Variants in PDPR observed in about 807,000 individuals in gnomAD.
PDPR encodes pyruvate dehydrogenase phosphatase regulatory subunit, also known as pyruvate dehydrogenase phosphatase regulatory subunit, mitochondrial.
Under a neutral mutation model 102.2 loss-of-function variants are expected in PDPR, and 50 were observed. The ratio of observed to expected loss-of-function variants is 0.49; its 90% CI spans 0.39 to 0.62. The LOEUF (loss-of-function observed/expected upper bound fraction) is 0.62, where lower values mean the gene tolerates loss of function less well. Among genes scored for constraint, PDPR ranks in the 20% least tolerant of loss-of-function variants. PDPR has a pLI of 0.00. For synonymous variants in PDPR, 259 were observed against 406.0 expected (o/e 0.64, Z 4.35); for missense variants, 625 against 1,098.2 (o/e 0.57, Z 6.09).
intron 6 of PDPR, among the ~76,000 whole-genome samples, chr16:70,130,191 G>C (rs1352555614): frequency 6.6e-6 from 1 of 152,268 alleles, no homozygotes; most frequent in African/African-American, 2.4e-5. Context: ...TACTTGAGAG[G>C]CTGAGGCAGG....
Position 70,130,548 on chromosome 16 carries a change from G to C in PDPR, c.729+4G>C. ...TTTTGTCAACTGTGCTGGCCAGGTA[G>C]GTCAGCACCAACACTGCTGTTCTTA... On this transcript the variant is annotated splice_donor_region_variant and intron_variant, in intron 7 of 18. Transcript: ENST00000288050. 2 of 1,613,944 alleles carry C rather than the reference G, an allele frequency of 1.2e-6. No homozygotes were observed. The highest frequency in any genetic ancestry group is 1.7e-6 in the Non-Finnish European group (2 of 1,179,864).
rs1967541297 is a variant in PDPR, at chr16:70,159,259, G to C, written c.*2380G>C. The C allele has an allele frequency of 6.6e-6, 1 of 152,376 alleles. No homozygotes were observed. Among genetic ancestry groups the C allele is most frequent in the South Asian group, 2.1e-4 (1 of 4,836 alleles). 9.4% of individuals were successfully genotyped at this position (152,376 alleles called of 1,614,324 possible). On this transcript the variant is annotated 3_prime_UTR_variant, in exon 19 of 19. Coordinates refer to ENST00000288050, the MANE Select transcript of PDPR (RefSeq NM_017990.5). ...GATGCTGTGTCCAAAATTATGCACT[G>C]TTTGTTGAAGTAGAACCAGAAATCC...
At chr16:70,123,157 C>T (rs1963524084) in intron 3 of PDPR, among the ~76,000 whole-genome samples, 1 of 152,266 alleles carries the variant, frequency 6.6e-6, no homozygotes, top group South Asian at 2.1e-4. Flanking sequence ...CCGCCTCAGC[C>T]TCCCAAAGTG....
chr16:70,141,913 A>G (rs1379979556), intron 11 of PDPR, among the ~76,000 whole-genome samples: 1 of 152,278 alleles, frequency 6.6e-6, no homozygotes, highest in African/African-American at 2.4e-5. Flanking sequence ...CAGCCTGACC[A>G]ACATGGAGAA....
rs1374891388 is a variant in PDPR, at chr16:70,158,779, G to C, written c.*1900G>C. Reference sequence around the variant, plus strand: ...GGAACAGGCCCTTGGGCAGATGCAGGCATTACCAGCAGGGAGCAGACTTAC... The same window carrying C: ...GGAACAGGCCCTTGGGCAGATGCAGCCATTACCAGCAGGGAGCAGACTTAC... On this transcript the variant is annotated 3_prime_UTR_variant, in exon 19 of 19. Coordinates refer to ENST00000288050, the MANE Select transcript of PDPR (RefSeq NM_017990.5). 2 of 152,986 alleles carry C rather than the reference G, an allele frequency of 1.3e-5. No homozygotes were observed. Among genetic ancestry groups the C allele is most frequent in the Non-Finnish European group, 2.9e-5 (2 of 68,552 alleles). The allele number at this position is 152,986 out of a possible 1,614,324, so 9.5% of individuals were successfully genotyped here. A position where few individuals can be genotyped will look rare whatever the true frequency, so the allele number is the denominator to read the frequency against.
chr16:70,150,588 A>C (rs1966655850), intron 17 of PDPR, among the ~76,000 whole-genome samples: 1 of 141,788 alleles, frequency 7.1e-6, no homozygotes, highest in Non-Finnish European at 1.5e-5. Context: ...GGCTTACTGC[A>C]GCTTGACCTC....
intron 17 of PDPR, 128 bp downstream of exon 17, chr16:70,148,681 G>GCTGTAT: frequency 1.3e-6 from 1 of 778,862 alleles, no homozygotes; most frequent in South Asian, 1.5e-5. Context: ...GGTTTGGAGA[G>GCTGTAT]CTGTATCTGA....
intron 2 of PDPR, among the ~76,000 whole-genome samples, chr16:70,117,938 C>A (rs1962814706): frequency 6.6e-6 from 1 of 151,730 alleles, no homozygotes; most frequent in African/African-American, 2.4e-5. Context: ...ACTAAAAATA[C>A]AAAAAGTAAC....
chr16:70,137,824 T>C (rs1965305989), intron 10 of PDPR, among the ~76,000 whole-genome samples: 2 of 152,268 alleles, frequency 1.3e-5, no homozygotes, highest in Non-Finnish European at 2.9e-5. Flanking sequence ...ACCCATTGGA[T>C]ATTTAGAGTA....
intron 1 of PDPR, among the ~76,000 whole-genome samples, 185 bp downstream of exon 1, chr16:70,114,625 G>T (rs575109250): frequency 2.6e-5 from 4 of 152,226 alleles, no homozygotes; most frequent in Non-Finnish European, 5.9e-5. Context: ...ACTCGTCCCC[G>T]TAAGGTTGTC....
chr16:70,156,337 C>G (rs1221185673), intron 18 of PDPR, 138 bp from the exon 19 acceptor site: 3 of 1,080,892 alleles, frequency 2.8e-6, no homozygotes, highest in Non-Finnish European at 3.9e-6. Context: ...CGCACAGTTT[C>G]CCAAAAGCTG....
chr16:70,121,766 CT>C (rs1240965083), intron 3 of PDPR, among the ~76,000 whole-genome samples: 3,455 of 145,352 alleles, frequency 0.024, 18 homozygotes, highest in African/African-American at 0.065. Context: ...TTCTTATTCC[CT>C]TTTTTTTTTT....
chr16:70,115,097 C>A (rs939694687), intron 2 of PDPR, among the ~76,000 whole-genome samples, 167 bp downstream of exon 2: 7 of 152,082 alleles, frequency 4.6e-5, no homozygotes, highest in African/African-American at 1.4e-4. Context: ...TTTCCAGTGG[C>A]AGGGACTTGT....
At chr16:70,115,509 C>A (rs1427796220) in intron 2 of PDPR, among the ~76,000 whole-genome samples, 8 of 152,178 alleles carry the variant, frequency 5.3e-5, no homozygotes, top group Non-Finnish European at 8.8e-5. Context: ...TCAGAATCTG[C>A]CGAGGTGGAC....
intron 6 of PDPR, among the ~76,000 whole-genome samples, chr16:70,130,222 G>A (rs1419281253): frequency 6.6e-6 from 1 of 152,274 alleles, no homozygotes; most frequent in Non-Finnish European, 1.5e-5. Context: ...GAACCCAGGA[G>A]GCAGAGAGCG....
Position 70,114,900 on chromosome 16 carries a change from G to A in PDPR, c.-63G>A, listed in dbSNP as rs1962486229. The stretch of plus-strand genomic sequence containing the variant: ...AAGACTGCTGCAGAGTCCGGAGGAA[G>A]AAGTCACCTAGAAAAATCTGGGACA... On this transcript the variant is annotated 5_prime_UTR_variant, in exon 2 of 19. Coordinates refer to ENST00000288050, the MANE Select transcript of PDPR (RefSeq NM_017990.5). The A allele has an allele frequency of 6.6e-6, 1 of 152,302 alleles. No homozygotes were observed. The highest frequency in any genetic ancestry group is 2.1e-4 in the South Asian group (1 of 4,836). 9.4% of individuals were successfully genotyped at this position (152,302 alleles called of 1,614,324 possible). A position where few individuals can be genotyped will look rare whatever the true frequency, so the allele number is the denominator to read the frequency against.
intron 10 of PDPR, among the ~76,000 whole-genome samples, chr16:70,137,383 T>G (rs1419296111): frequency 1.3e-5 from 2 of 152,168 alleles, no homozygotes; most frequent in Non-Finnish European, 2.9e-5. Context: ...TAAAATAAAA[T>G]AAGACACTAA....
chr16:70,153,169 G>T (rs1325801589), intron 17 of PDPR, among the ~76,000 whole-genome samples: 1 of 152,284 alleles, frequency 6.6e-6, no homozygotes, highest in Non-Finnish European at 1.5e-5. Flanking sequence ...GAGGTGAAAA[G>T]ACATGGATCC....
chr16:70,154,498 C>T (rs1368542086), intron 18 of PDPR, among the ~76,000 whole-genome samples: 1 of 152,276 alleles, frequency 6.6e-6, no homozygotes, highest in East Asian at 1.9e-4. Flanking sequence ...AAAAAACCCA[C>T]TTATTTCTAG....
Sources: gnomAD v4.1 joint callset for allele counts (sites outside exome capture counted in the v4.1 genomes callset) on GRCh38, gnomAD v4.1.1 for gene constraint, MANE v1.5 for transcripts, NCBI Gene and HGNC (gene_info 2026-07-23, HGNC 2026-07-21) for gene names.